The following MACF1 variants were observed in gnomAD, a reference collection of about 807,000 sequenced individuals.
The protein encoded by MACF1 is microtubule-actin cross-linking factor 1.
In MACF1, 193 loss-of-function variants were observed where a neutral mutation model predicts 854.8. That is an observed-to-expected ratio of 0.23 (90% confidence interval 0.20 to 0.25). MACF1 has a LOEUF of 0.25. MACF1 is among the 10% of genes least tolerant of loss of function. MACF1 has a pLI of 1.00. For synonymous variants in MACF1, 3,185 were observed against 3,226.7 expected (o/e 0.99, Z 0.44); for missense variants, 7,722 against 8,929.1 (o/e 0.86, Z 5.45).
At chr1:39,254,508 C>A (rs75830873) in intron 5 of MACF1, 133 bp downstream of exon 5, 21,360 of 741,102 alleles carry the variant, frequency 0.029, 515 homozygotes, top group East Asian at 0.12. Context: ...TGAGTCTTAA[C>A]TTGCTAGTGA....
chr1:39,372,537 G>A lies in MACF1; in HGVS notation c.13154G>A (p.Gly4385Asp), dbSNP rs1339828146. The change falls in exon 52 of 101, where the codon GGT becomes GAT. Residue 4385 changes from glycine (G) to aspartate (D), a missense_variant. Around this residue, in one of 15 missense-constraint regions of MACF1, gnomAD observed 2,807 missense variants for 3,235.8 expected, o/e 0.87. Coordinates refer to ENST00000564288, the MANE Select transcript of MACF1 (RefSeq NM_001394062.1). ...CTGGTGGAAGAAATCAATTGCAAAG[G>A]TACTTCTTTAGAAAATCTCATCATG... ...GTLVEEINCK[G>D]TSLENLIMEI... 6.2e-7 allele frequency: 1 copy of A among 1,613,820 alleles called. No individual in the cohort carries two copies. The highest frequency in any genetic ancestry group is 1.7e-5 in the Admixed American group (1 of 59,990).
At position 39,335,018 on chromosome 1, in the gene MACF1, GAGTGAGAGATTATTTCA is replaced by G. The variant is rs1646787374; in HGVS notation, c.8434_8450del (p.Glu2812Ter). 2 of 1,613,942 alleles carry G rather than the reference GAGTGAGAGATTATTTCA, an allele frequency of 1.2e-6. No homozygotes were observed. On this transcript the variant is annotated frameshift_variant, in exon 37 of 101. Transcript: ENST00000564288. LOFTEE classifies it high-confidence loss of function. ...AAATGAGTTGTAATAAAGTAGAAGA[GAGTGAGAGATTATTTCA>G]AGTTGAAAATCAGTCTGCACAAGAA...
At chr1:39,347,274 C>T (rs1647073477) in intron 41 of MACF1, 64 bp downstream of exon 41, 1 of 1,220,352 alleles carries the variant, frequency 8.2e-7, no homozygotes, top group Non-Finnish European at 1.2e-6. Context: ...ATTGGGTTTT[C>T]TGGCCAGACT....
Position 39,370,189 on chromosome 1 carries a change from A to G in MACF1, c.13095+3A>G, listed in dbSNP as rs1475750203. On this transcript the variant is annotated splice_donor_region_variant and intron_variant, in intron 51 of 100. Coordinates refer to ENST00000564288, the MANE Select transcript of MACF1 (RefSeq NM_001394062.1). ...AAAAGCAGATTGAACACCTGAAGGT[A>G]GGTGAACAAAGGGACTCCAAGAATT... 37 of 1,605,148 alleles carry G rather than the reference A, an allele frequency of 2.3e-5. No homozygotes were observed. The highest frequency in any genetic ancestry group is 3.1e-5 in the Non-Finnish European group (37 of 1,175,292).
At chr1:39,412,694 C>T in intron 58 of MACF1, 1 of 1,613,988 alleles carries the variant, frequency 6.2e-7, no homozygotes, top group African/African-American at 1.3e-5. Context: ...AATATTTTTC[C>T]AGAGAAACAA....
In MACF1 at chr1:39,270,594, G is replaced by A. The variant is rs370326597; in HGVS notation, c.529-11614G>A. On this transcript the variant is annotated intron_variant, in intron 6 of 100. Coordinates refer to ENST00000564288, the MANE Select transcript of MACF1 (RefSeq NM_001394062.1). ...GTAGCACAGCATCTGGCATGTAGGTGTGTGATTGTGTGGGTGATTGAAGTT... is the reference window on the plus strand; with the variant it reads ...GTAGCACAGCATCTGGCATGTAGGTATGTGATTGTGTGGGTGATTGAAGTT... 2.3e-4 allele frequency among the ~76,000 whole-genome samples: 35 copies of A among 152,314 alleles called. 1 individual carries two copies. In the East Asian group the frequency reaches 5.4e-3, roughly 24 times the overall value.
At position 39,385,409 on chromosome 1, in the gene MACF1, C is replaced by T. The variant is rs573235931; in HGVS notation, c.13849-25C>T. ...TAGATCTGTTTTTTTCCTGTCTAAACATCTTGGTGTCATTTCTATTTCAGT... is the reference window on the plus strand; with the variant it reads ...TAGATCTGTTTTTTTCCTGTCTAAATATCTTGGTGTCATTTCTATTTCAGT... On this transcript the variant is annotated intron_variant, in intron 56 of 100. Coordinates refer to ENST00000564288, the MANE Select transcript of MACF1 (RefSeq NM_001394062.1). The T allele has an allele frequency of 4.7e-5, 76 of 1,608,250 alleles. No individual in the cohort carries two copies. The Middle Eastern group carries it at 5.0e-4, about 11-fold the overall frequency.
intron 2 of MACF1, among the ~76,000 whole-genome samples, chr1:39,110,691 T>A (rs1239270407): frequency 6.6e-6 from 1 of 152,228 alleles, no homozygotes; most frequent in Non-Finnish European, 1.5e-5. Flanking sequence ...TCACAAGTTT[T>A]GGCCACATTC....
chr1:39,225,714 T>C (rs1644709179), intron 1 of MACF1, among the ~76,000 whole-genome samples: 4 of 152,162 alleles, frequency 2.6e-5, no homozygotes, highest in Admixed American at 2.6e-4. Flanking sequence ...TTAAAATGAA[T>C]ATTGCCTTTT....
chr1:39,149,576 T>A (rs1452573716), intron 2 of MACF1, among the ~76,000 whole-genome samples: 1 of 150,948 alleles, frequency 6.6e-6, no homozygotes, highest in African/African-American at 2.4e-5. Context: ...TAAAATAAAA[T>A]AAAAAATAAA....
intron 58 of MACF1, chr1:39,413,985 G>T (rs970981985): frequency 1.2e-6 from 2 of 1,606,760 alleles, no homozygotes; most frequent in Non-Finnish European, 1.7e-6. Flanking sequence ...ACCCAGAGGA[G>T]CCCACCTCCC....
rs1645591778 is a variant in MACF1 at position 39,283,564 on chromosome 1, T to G, written c.915+49T>G. The stretch of plus-strand genomic sequence containing the variant: ...GCCTTCTGACTTTGATTCATTTGGG[T>G]GAAATGCATTGGTTAGACACTTTCT... On this transcript the variant is annotated intron_variant, in intron 9 of 100. Transcript: ENST00000564288. This position sits in a 1 kb window ranked among gnomAD's most constrained non-coding sequence, Gnocchi z 4.5. The G allele has an allele frequency of 1.5e-6, 2 of 1,307,448 alleles. No homozygotes were observed. The highest frequency in any genetic ancestry group is 2.9e-5 in the African/African-American group (2 of 68,636). 81.0% of individuals were successfully genotyped at this position (1,307,448 alleles called of 1,614,324 possible).
intron 2 of MACF1, among the ~76,000 whole-genome samples, chr1:39,153,519 GGTCT>G (rs1643624489): frequency 6.6e-6 from 1 of 152,118 alleles, no homozygotes; most frequent in African/African-American, 2.4e-5. Flanking sequence ...CTTATTCGAG[GGTCT>G]GTAGCCTAAA....
chr1:39,234,819 TCCCAGACGGGG>T (rs1644838261), intron 2 of MACF1, among the ~76,000 whole-genome samples: 1 of 36,320 alleles, frequency 2.8e-5, no homozygotes, highest in Non-Finnish European at 8.8e-5. Context: ...GCTCCTCACC[TCCCAGACGGGG>T]TCGCGGCTGG....
At chr1:39,287,592 A>T (rs753919170) in intron 15 of MACF1, 30 bp downstream of exon 15, 3 of 1,610,322 alleles carry the variant, frequency 1.9e-6, no homozygotes, top group Non-Finnish European at 1.7e-6. Context: ...CTTATGCAGT[A>T]CACTGATGTT....
At position 39,151,210 on chromosome 1, in the gene MACF1, C is replaced by T. The variant is rs77245066; in HGVS notation, c.220+66772C>T. Among the ~76,000 whole-genome samples the T allele has an allele frequency of 4.1e-3, 625 of 152,298 alleles. 8 individuals are homozygous for T. Among genetic ancestry groups the T allele is most frequent in the Non-Finnish European group, 2.5e-3 (167 of 68,014 alleles). On this transcript the variant is annotated intron_variant, in intron 2 of 93. Coordinates refer to the MACF1 transcript ENST00000361689. ...TCTTCCTTCTCTTTGTCCATACACC[C>T]TACCAGACCCCAATTCAAATAAAAC...
chr1:39,155,110 C>T (rs1461124093), intron 2 of MACF1, among the ~76,000 whole-genome samples: 1 of 152,174 alleles, frequency 6.6e-6, no homozygotes, highest in Non-Finnish European at 1.5e-5. Flanking sequence ...AATGCTGTGA[C>T]TCTGAGGAAA....
At chr1:39,267,833 A>G (rs1645251859) in intron 6 of MACF1, among the ~76,000 whole-genome samples, 1 of 152,164 alleles carries the variant, frequency 6.6e-6, no homozygotes, top group African/African-American at 2.4e-5. Flanking sequence ...TGTCTGTGTC[A>G]TTGGCTGGCA....
intron 58 of MACF1, among the ~76,000 whole-genome samples, chr1:39,392,702 A>G (rs1032720250): frequency 1.3e-5 from 2 of 152,192 alleles, no homozygotes; most frequent in Non-Finnish European, 2.9e-5. Context: ...TGATAGATCC[A>G]TGGATCTGCA....
Sources: gnomAD v4.1 joint callset for allele counts (sites outside exome capture counted in the v4.1 genomes callset) on GRCh38, gnomAD v4.1.1 for gene constraint, gnomAD v4.1.1 regional missense constraint, Gnocchi (gnomAD v3.1) non-coding constraint, MANE v1.5 for transcripts, NCBI Gene and HGNC (gene_info 2026-07-23, HGNC 2026-07-21) for gene names.